REDIC1: variants seen among roughly 807,000 people sequenced by gnomAD.
REDIC1 encodes HEI10 Interacting Protein 1.
the REDIC1 span, chr12:39,683,351 G>T: frequency 7.9e-7 from 1 of 1,271,672 alleles, no homozygotes; most frequent in South Asian, 1.2e-5. Flanking sequence ...AATATGCTTT[G>T]AATTAAAAAA....
At chr12:39,886,884 T>C in the REDIC1 span, among the ~76,000 whole-genome samples, 1 of 152,206 alleles carries the variant, frequency 6.6e-6, no homozygotes, top group Admixed American at 6.5e-5. Context: ...TTTTGAGCAC[T>C]TAACTAAATG....
At chr12:39,688,314 G>T in the REDIC1 span, among the ~76,000 whole-genome samples, 1 of 152,204 alleles carries the variant, frequency 6.6e-6, no homozygotes, top group Non-Finnish European at 1.5e-5. Context: ...CTGTAAACAG[G>T]AGGAAGATGT....
chr12:39,716,497 T>C, the REDIC1 span, among the ~76,000 whole-genome samples: 1 of 152,070 alleles, frequency 6.6e-6, no homozygotes, highest in South Asian at 2.1e-4. Flanking sequence ...CAACTTTCTC[T>C]ATTCTGTTTT....
At chr12:39,663,324 G>A in the REDIC1 span, among the ~76,000 whole-genome samples, 93 of 151,942 alleles carry the variant, frequency 6.1e-4, 1 homozygote, top group Middle Eastern at 0.01. Flanking sequence ...TAGAAATGTT[G>A]TATCCTCCTG....
chr12:39,787,774 G>A, the REDIC1 span, among the ~76,000 whole-genome samples: 2 of 152,146 alleles, frequency 1.3e-5, no homozygotes, highest in Non-Finnish European at 2.9e-5. Context: ...TAGGTGAATG[G>A]AAACAGCTGG....
the REDIC1 span, among the ~76,000 whole-genome samples, chr12:39,733,069 G>GCACTCA: frequency 6.7e-6 from 1 of 148,350 alleles, no homozygotes; most frequent in Non-Finnish European, 1.5e-5. Flanking sequence ...GCAGAAAAAT[G>GCACTCA]CACACACACA....
the REDIC1 span, among the ~76,000 whole-genome samples, chr12:39,713,854 T>A: frequency 6.7e-6 from 1 of 148,360 alleles, no homozygotes; most frequent in African/African-American, 2.5e-5. Context: ...TATATGCATA[T>A]ATACATACAT....
chr12:39,893,547 G>T, the REDIC1 span, among the ~76,000 whole-genome samples: 10 of 152,158 alleles, frequency 6.6e-5, no homozygotes, highest in Non-Finnish European at 1.0e-4. Context: ...TGATCTGCCC[G>T]CCTTGGTCTC....
At chr12:39,712,102 C>A in the REDIC1 span, among the ~76,000 whole-genome samples, 373 of 108,258 alleles carry the variant, frequency 3.4e-3, 1 homozygote, top group African/African-American at 0.01. Flanking sequence ...ACATATATAC[C>A]TGTATATATA....
At chr12:39,748,395 TAC>T in the REDIC1 span, among the ~76,000 whole-genome samples, 1 of 152,152 alleles carries the variant, frequency 6.6e-6, no homozygotes, top group African/African-American at 2.4e-5. Context: ...ATGCACCCAA[TAC>T]AGGAGCACCC....
At chr12:39,746,719 G>A in the REDIC1 span, among the ~76,000 whole-genome samples, 47 of 152,316 alleles carry the variant, frequency 3.1e-4, 1 homozygote, top group East Asian at 8.3e-3. Flanking sequence ...GTGCCCCCCT[G>A]AGACGAAGCT....
the REDIC1 span, among the ~76,000 whole-genome samples, chr12:39,664,235 C>T: frequency 7.0e-6 from 1 of 142,326 alleles, no homozygotes; most frequent in African/African-American, 2.6e-5. Context: ...CTCCCCCCAC[C>T]CCACAACAGG....
At chr12:39,832,978 A>C in the REDIC1 span, among the ~76,000 whole-genome samples, 2 of 152,106 alleles carry the variant, frequency 1.3e-5, no homozygotes, top group East Asian at 3.9e-4. Flanking sequence ...CCTGATCTAG[A>C]TGGCTTTAGT....
At chr12:39,837,049 A>G in the REDIC1 span, among the ~76,000 whole-genome samples, 1 of 45,826 alleles carries the variant, frequency 2.2e-5, no homozygotes, top group Non-Finnish European at 3.7e-5. Context: ...CTAAGCCAAA[A>G]GAACAAAGCT....
the REDIC1 span, among the ~76,000 whole-genome samples, chr12:39,798,669 G>C: frequency 6.6e-6 from 1 of 152,180 alleles, no homozygotes; most frequent in African/African-American, 2.4e-5. Flanking sequence ...GCCCGGGCTA[G>C]TGCTGAAAGA....
chr12:39,691,977 G>A, the REDIC1 span: 2 of 1,313,192 alleles, frequency 1.5e-6, no homozygotes, highest in Non-Finnish European at 2.1e-6. Flanking sequence ...AATTGGTAGT[G>A]TAAATAAGGT....
the REDIC1 span, among the ~76,000 whole-genome samples, chr12:39,702,376 T>C: frequency 6.6e-6 from 1 of 152,136 alleles, no homozygotes; most frequent in African/African-American, 2.4e-5. Context: ...CTCCCAAGAC[T>C]AAACCAGGAA....
At chr12:39,772,330 A>G in the REDIC1 span, among the ~76,000 whole-genome samples, 5 of 152,138 alleles carry the variant, frequency 3.3e-5, no homozygotes, top group African/African-American at 4.8e-5. Flanking sequence ...GGGTTGTTAC[A>G]AAGATTAAAC....
chr12:39,872,013 G>C, the REDIC1 span: 3 of 1,408,476 alleles, frequency 2.1e-6, no homozygotes, highest in East Asian at 5.2e-5. Context: ...CAAAGAAACA[G>C]GGTTATTTTG....
Sources: gnomAD v4.1 joint callset for allele counts (sites outside exome capture counted in the v4.1 genomes callset) on GRCh38, gnomAD v4.1.1 for gene constraint, MANE v1.5 for transcripts, NCBI Gene and HGNC (gene_info 2026-07-23, HGNC 2026-07-21) for gene names.